Variants in PPFIBP2 observed in about 807,000 individuals in gnomAD.
PPFIBP2 encodes the protein PPFIB scaffold protein 2.
PPFIBP2 carries 118 observed loss-of-function variants against 118.3 expected under a neutral mutation model. The observed-to-expected ratio is 1.00, with a 90% CI of 0.86 to 1.16. The LOEUF (loss-of-function observed/expected upper bound fraction) is 1.16, where lower values mean the gene tolerates loss of function less well. Among genes scored for constraint, PPFIBP2 ranks in the 50% most tolerant of loss-of-function variants. The pLI is 0.00. For synonymous variants in PPFIBP2, 414 were observed against 397.4 expected (o/e 1.04, Z -0.50); for missense variants, 1,195 against 1,073.1 (o/e 1.11, Z -1.59).
chr11:7,527,476 T>C (rs1850331763), intron 1 of PPFIBP2, among the ~76,000 whole-genome samples: 1 of 152,112 alleles, frequency 6.6e-6, no homozygotes, highest in South Asian at 2.1e-4. Flanking sequence ...ACAGTATTTA[T>C]TATTTCAGCC....
intron 5 of PPFIBP2, among the ~76,000 whole-genome samples, chr11:7,608,326 C>G (rs981363970): frequency 6.6e-6 from 1 of 152,164 alleles, no homozygotes; most frequent in South Asian, 2.1e-4. Flanking sequence ...GTTCTGGAGT[C>G]AAACAGACTT....
At chr11:7,644,115 T>C (rs1490044841) in intron 17 of PPFIBP2, among the ~76,000 whole-genome samples, 1 of 84,820 alleles carries the variant, frequency 1.2e-5, no homozygotes, top group Admixed American at 1.4e-4. Flanking sequence ...TTTTTGTTCA[T>C]TATTATTATT....
chr11:7,638,999 G>C (rs1217313053), intron 14 of PPFIBP2, among the ~76,000 whole-genome samples: 1 of 152,220 alleles, frequency 6.6e-6, no homozygotes, highest in Non-Finnish European at 1.5e-5. Flanking sequence ...AAGGGTGTGT[G>C]TGTATCTTCA....
chr11:7,549,839 T>G lies in PPFIBP2; in HGVS notation c.64+300T>G, dbSNP rs528136064. 3.9e-5 allele frequency among the ~76,000 whole-genome samples: 6 copies of G among 152,314 alleles called. No individual in the cohort carries two copies. In the East Asian group the frequency reaches 1.2e-3, roughly 29 times the overall value. ...AGTTTGGGTTCAGTGAGACTGATTC[T>G]AATGTAAAATTTTCAGAGCTTTTCA... On this transcript the variant is annotated intron_variant, in intron 2 of 23. Coordinates refer to ENST00000299492, the MANE Select transcript of PPFIBP2 (RefSeq NM_003621.5).
intron 1 of PPFIBP2, among the ~76,000 whole-genome samples, chr11:7,524,900 T>G (rs536343418): frequency 6.6e-6 from 1 of 152,216 alleles, no homozygotes; most frequent in Non-Finnish European, 1.5e-5. Flanking sequence ...TGAAAAAGTT[T>G]CATTACATAA....
At chr11:7,612,840 G>C (rs1848221870) in intron 6 of PPFIBP2, among the ~76,000 whole-genome samples, 3 of 152,184 alleles carry the variant, frequency 2.0e-5, no homozygotes, top group Non-Finnish European at 4.4e-5. Flanking sequence ...GGTATGCACA[G>C]AACTTCTACC....
intron 12 of PPFIBP2, 143 bp downstream of exon 12, chr11:7,633,077 C>A: frequency 1.4e-6 from 1 of 699,996 alleles, no homozygotes; most frequent in Admixed American, 2.2e-5. Context: ...AGGGCAGTTA[C>A]AAACCAGGCC....
intron 16 of PPFIBP2, chr11:7,642,087 A>C (rs193142755): frequency 5.6e-4 from 308 of 545,704 alleles, no homozygotes; most frequent in Admixed American, 1.6e-3. Flanking sequence ...ATGGCAAGTG[A>C]CCAAATCCCA....
intron 7 of PPFIBP2, among the ~76,000 whole-genome samples, chr11:7,625,146 G>A (rs189147196): frequency 4.2e-4 from 64 of 152,066 alleles, no homozygotes; most frequent in African/African-American, 1.5e-3. Flanking sequence ...TTTTGCAAAA[G>A]TATGTAAATG....
At chr11:7,662,147 A>G in the PPFIBP2 span, among the ~76,000 whole-genome samples, 1 of 150,178 alleles carries the variant, frequency 6.7e-6, no homozygotes, top group Non-Finnish European at 1.5e-5. Context: ...GTCCATTTAC[A>G]TTTAAAGTTA....
chr11:7,618,569 T>A (rs755275309), intron 6 of PPFIBP2, among the ~76,000 whole-genome samples: 7 of 152,216 alleles, frequency 4.6e-5, no homozygotes, highest in Non-Finnish European at 8.8e-5. Context: ...TTGGAGCCTC[T>A]CAGGCAGGGC....
downstream of PPFIBP2, chr11:7,657,115 C>A (rs1203327566): frequency 1.7e-5 from 4 of 242,276 alleles, no homozygotes; most frequent in African/African-American, 8.9e-5. Flanking sequence ...TCGTGATATT[C>A]CTGGTGACAG....
chr11:7,579,583 G>C (rs774782079), intron 3 of PPFIBP2, among the ~76,000 whole-genome samples: 3 of 152,166 alleles, frequency 2.0e-5, no homozygotes, highest in Non-Finnish European at 2.9e-5. Context: ...GCCTGGGATT[G>C]TCAGAGCCTT....
chr11:7,646,437 A>C (rs1272333420), intron 17 of PPFIBP2, among the ~76,000 whole-genome samples: 1 of 152,274 alleles, frequency 6.6e-6, no homozygotes, highest in Non-Finnish European at 1.5e-5. Flanking sequence ...CTATTGTCAT[A>C]GAAGATAAAT....
chr11:7,547,371 G>A (rs1349425105), intron 1 of PPFIBP2, among the ~76,000 whole-genome samples: 1 of 152,156 alleles, frequency 6.6e-6, no homozygotes, highest in East Asian at 1.9e-4. Flanking sequence ...GGAGAGATGT[G>A]AGCATGGCCT....
Position 7,565,683 on chromosome 11 carries a change from G to T in PPFIBP2, c.195G>T (p.Glu65Asp). 6.2e-7 allele frequency: 1 copy of T among 1,614,198 alleles called. No individual in the cohort carries two copies. Among genetic ancestry groups the T allele is most frequent in the Non-Finnish European group, 8.5e-7 (1 of 1,180,018 alleles). ...TGAGGCTGGCCTTGGAGATGCTGGA[G>T]CTTCCTCAGGAGAGAGCAGCCCTCC... ...EDLRLALEMLELPQERAALLS... is the reference protein window; with the variant it reads ...EDLRLALEMLDLPQERAALLS... The change falls in exon 3 of 24, where the codon GAG (glutamate) becomes GAT (aspartate). Residue 65 changes from glutamate (E) to aspartate (D), a missense_variant. Transcript: ENST00000299492.
chr11:7,610,829 G>A (rs766970812), intron 6 of PPFIBP2, among the ~76,000 whole-genome samples: 9 of 152,220 alleles, frequency 5.9e-5, no homozygotes, highest in Admixed American at 3.3e-4. Flanking sequence ...CTTGACGTGC[G>A]TTTCACTGAC....
Position 7,642,353 on chromosome 11 carries a change from T to A in PPFIBP2, c.1573T>A (p.Phe525Ile). The change falls in exon 17 of 24, where the codon TTT becomes ATT. Residue 525 changes from phenylalanine (F) to isoleucine (I), a missense_variant. Phe to Ile is a conservative substitution (Grantham distance 21). Transcript: ENST00000299492. ...FYTDTLGMAE[F>I]RRGGLRATAG... ...CACTGACACGCTGGGGATGGCAGAG[T>A]TTCGACGAGGTGGGCTCCGGGCAAC... is the stretch of plus-strand genomic sequence containing the variant. The A allele has an allele frequency of 3.7e-6, 6 of 1,614,026 alleles. No individual in the cohort carries two copies. The highest frequency in any genetic ancestry group is 5.1e-6 in the Non-Finnish European group (6 of 1,179,996).
Position 7,617,327 on chromosome 11 carries a change from C to T in PPFIBP2, c.619-3608C>T, listed in dbSNP as rs536794760. The T allele has an allele frequency of 4.4e-3, 4,326 of 982,480 alleles. 9 individuals are homozygous for T. Among genetic ancestry groups the T allele is most frequent in the Non-Finnish European group, 5.0e-3 (4,146 of 827,276 alleles). The allele number at this position is 982,480 out of a possible 1,614,324, so 60.9% of individuals were successfully genotyped here. ...CCACACTTAAGTATATCAGAGCATG[C>T]GTGTGTGGGGCATTTCACTGGTGGA... On this transcript the variant is annotated intron_variant, in intron 6 of 23. Transcript: ENST00000299492.
Sources: gnomAD v4.1 joint callset for allele counts (sites outside exome capture counted in the v4.1 genomes callset) on GRCh38, gnomAD v4.1.1 for gene constraint, MANE v1.5 for transcripts, NCBI Gene and HGNC (gene_info 2026-07-23, HGNC 2026-07-21) for gene names.